The following NCMAP variants were observed in gnomAD, a reference collection of about 807,000 sequenced individuals.
NCMAP encodes non-compact myelin associated protein, also known as noncompact myelin-associated protein.
NCMAP carries 8 observed loss-of-function variants against 7.8 expected under a neutral mutation model. The observed-to-expected ratio is 1.02, with a 90% CI of 0.60 to 1.84. The LOEUF is 1.84. Among genes scored for constraint, NCMAP ranks in the 40% most tolerant of loss-of-function variants. NCMAP has a pLI of 0.00. For missense variants in NCMAP, 112 were observed against 131.4 expected (o/e 0.85, Z 0.72); for synonymous variants, 41 against 52.9 (o/e 0.78, Z 0.98).
intron 2 of NCMAP, among the ~76,000 whole-genome samples, chr1:24,597,005 G>T (rs2148936346): frequency 6.6e-6 from 1 of 152,290 alleles, no homozygotes; most frequent in African/African-American, 2.4e-5. Context: ...CAGGTGGCTG[G>T]ATGAAGGGCA....
intron 1 of NCMAP, chr1:24,564,071 A>C (rs1349647626): frequency 2.0e-5 from 3 of 152,258 alleles, no homozygotes; most frequent in Admixed American, 6.5e-5. Flanking sequence ...TGAAAAATTT[A>C]AGATTTAAAA....
chr1:24,581,067 G>C (rs1230885499), intron 1 of NCMAP, among the ~76,000 whole-genome samples: 2 of 151,726 alleles, frequency 1.3e-5, no homozygotes, highest in Admixed American at 6.6e-5. Flanking sequence ...GGATGAAGCA[G>C]AGATGAATAG....
rs1295588299 is a variant in NCMAP, at chr1:24,576,108, C to T, written c.-7-19316C>T. ...TCCCTCGCTGTCCCCATCCTCCACCCTCACCACTGCCACCCTGCACAGATG... is the reference window on the plus strand; with the variant it reads ...TCCCTCGCTGTCCCCATCCTCCACCTTCACCACTGCCACCCTGCACAGATG... On this transcript the variant is annotated intron_variant, in intron 1 of 3. Transcript: ENST00000374392. The surrounding 1 kb of genome is among the most constrained non-coding windows in gnomAD (Gnocchi z 4.0). Among the ~76,000 whole-genome samples, 1 of 152,036 alleles carries T rather than the reference C, an allele frequency of 6.6e-6. No homozygotes were observed. Among genetic ancestry groups the T allele is most frequent in the Admixed American group, 6.6e-5 (1 of 15,254 alleles).
chr1:24,599,834 C>CCCA, intron 2 of NCMAP, among the ~76,000 whole-genome samples: 3 of 69,412 alleles, frequency 4.3e-5, no homozygotes, highest in African/African-American at 1.3e-4. Context: ...CCCCCCCCCC[C>CCCA]CCCCCTTGGC....
intron 1 of NCMAP, among the ~76,000 whole-genome samples, chr1:24,579,158 AG>A (rs904017575): frequency 1.3e-5 from 2 of 149,374 alleles, no homozygotes; most frequent in African/African-American, 4.9e-5. Context: ...TGCATCCTCC[AG>A]GGGCTTCCTG....
intron 1 of NCMAP, among the ~76,000 whole-genome samples, chr1:24,588,235 C>T (rs1283970358): frequency 1.3e-5 from 2 of 152,110 alleles, no homozygotes; most frequent in East Asian, 3.9e-4. Context: ...GTTCACATCA[C>T]CACACCTGGC....
Position 24,606,994 on chromosome 1 carries a change from TTC to T in NCMAP, c.*1249_*1250del, listed in dbSNP as rs1239860231. On this transcript the variant is annotated 3_prime_UTR_variant, in exon 4 of 4. Transcript: ENST00000374392. The stretch of plus-strand genomic sequence containing the variant: ...GATTCTTTTTCTTTTCTTTTTTCTT[TTC>T]TTTTTTTTTTTTTTTTGAGACAGAG... 7.4e-6 allele frequency: 1 copy of T among 134,640 alleles called. No individual in the cohort carries two copies. The highest frequency in any genetic ancestry group is 1.5e-5 in the Non-Finnish European group (1 of 68,038). The allele number at this position is 134,640 out of a possible 1,614,324, so 8.3% of individuals were successfully genotyped here.
intron 1 of NCMAP, among the ~76,000 whole-genome samples, chr1:24,561,784 C>A (rs1351183262): frequency 1.3e-5 from 2 of 152,116 alleles, no homozygotes; most frequent in African/African-American, 4.8e-5. Flanking sequence ...GTGGTACACA[C>A]CTGTAATCCC....
chr1:24,598,107 A>G (rs1652323632), intron 2 of NCMAP, among the ~76,000 whole-genome samples: 1 of 152,118 alleles, frequency 6.6e-6, no homozygotes, highest in Non-Finnish European at 1.5e-5. Flanking sequence ...ACCCAGAACT[A>G]AAGTCTCCCC....
chr1:24,600,897 T>C (rs1652464131), intron 2 of NCMAP, 43 bp from the exon 3 acceptor site: 2 of 1,585,796 alleles, frequency 1.3e-6, no homozygotes, highest in Non-Finnish European at 8.7e-7. Context: ...TGGTCTGCGT[T>C]CAGTTTGCAC....
intron 1 of NCMAP, among the ~76,000 whole-genome samples, chr1:24,564,581 G>C (rs1251297525): frequency 2.2e-5 from 3 of 139,374 alleles, no homozygotes; most frequent in African/African-American, 5.5e-5. Context: ...ATTCCCAAAA[G>C]GAAAGAAAAA....
At chr1:24,577,410 T>TGTTG (rs763604635) in intron 1 of NCMAP, among the ~76,000 whole-genome samples, 1 of 140,358 alleles carries the variant, frequency 7.1e-6, no homozygotes, top group African/African-American at 2.7e-5. Context: ...TGTTTTTTTT[T>TGTTG]TTTTTTTTTT....
chr1:24,592,571 G>T (rs1471426237), intron 1 of NCMAP, among the ~76,000 whole-genome samples: 2 of 152,120 alleles, frequency 1.3e-5, no homozygotes, highest in African/African-American at 4.8e-5. Flanking sequence ...GAGGAAATAG[G>T]ATTGAGATAG....
At chr1:24,571,411 G>A (rs1651385866) in intron 1 of NCMAP, among the ~76,000 whole-genome samples, 1 of 148,378 alleles carries the variant, frequency 6.7e-6, no homozygotes, top group Non-Finnish European at 1.5e-5. Context: ...GGAGGCAGAG[G>A]TTGCTGTGAG....
At chr1:24,599,889 C>T (rs61263185) in intron 2 of NCMAP, among the ~76,000 whole-genome samples, 5,280 of 141,226 alleles carry the variant, frequency 0.037, 151 homozygotes, top group Middle Eastern at 0.13. Flanking sequence ...CACACCTGGC[C>T]ATGGTTCCAT....
chr1:24,582,568 G>A (rs1424326472), intron 1 of NCMAP, among the ~76,000 whole-genome samples: 6 of 152,118 alleles, frequency 3.9e-5, no homozygotes, highest in South Asian at 2.1e-4. Context: ...ACGATGCTAC[G>A]CTGCTGGTCT....
At chr1:24,566,291 T>C (rs1221965078) in intron 1 of NCMAP, among the ~76,000 whole-genome samples, 7 of 152,272 alleles carry the variant, frequency 4.6e-5, no homozygotes, top group African/African-American at 1.7e-4. Context: ...ATTTCTGACA[T>C]ATTCTAGTGG....
At chr1:24,570,069 C>T (rs1226962619) in intron 1 of NCMAP, among the ~76,000 whole-genome samples, 3 of 150,034 alleles carry the variant, frequency 2.0e-5, no homozygotes, top group Non-Finnish European at 4.4e-5. Context: ...CCCACCTCAA[C>T]CTCTAGATGG....
intron 1 of NCMAP, among the ~76,000 whole-genome samples, chr1:24,593,077 C>T (rs1652097477): frequency 6.6e-6 from 1 of 151,778 alleles, no homozygotes; most frequent in Non-Finnish European, 1.5e-5. Flanking sequence ...ACGTGGGAGG[C>T]TGAGGCAGGA....
Sources: gnomAD v4.1 joint callset for allele counts (sites outside exome capture counted in the v4.1 genomes callset) on GRCh38, gnomAD v4.1.1 for gene constraint, Gnocchi (gnomAD v3.1) non-coding constraint, MANE v1.5 for transcripts, NCBI Gene and HGNC (gene_info 2026-07-23, HGNC 2026-07-21) for gene names.